COL5A2: variants seen among roughly 807,000 people sequenced by gnomAD.
COL5A2 encodes the protein collagen alpha-2(V) chain.
In COL5A2, 23 loss-of-function variants were observed where a neutral mutation model predicts 208.2. That is an observed-to-expected ratio of 0.11 (90% confidence interval 0.08 to 0.16). The LOEUF (loss-of-function observed/expected upper bound fraction) is 0.16, where lower values mean the gene tolerates loss of function less well. Ranked by LOEUF, COL5A2 falls within the 10% of genes least tolerant of loss-of-function variation. COL5A2 has a pLI of 1.00. For missense variants in COL5A2, 1,590 were observed against 1,956.4 expected (o/e 0.81, Z 3.53); for synonymous variants, 625 against 628.5 (o/e 0.99, Z 0.08).
chr2:189,285,071 G>GGGGTGTGTGTGT, the COL5A2 span, among the ~76,000 whole-genome samples: 3 of 139,702 alleles, frequency 2.1e-5, no homozygotes, highest in Non-Finnish European at 3.1e-5. Flanking sequence ...GCATGCACAT[G>GGGGTGTGTGTGT]GTGTGTGTGT....
chr2:189,355,893 A>G, the COL5A2 span, among the ~76,000 whole-genome samples: 1 of 152,118 alleles, frequency 6.6e-6, no homozygotes, highest in Non-Finnish European at 1.5e-5. Flanking sequence ...ACAATTTGGT[A>G]TGTTTTTGCA....
chr2:189,298,875 T>G, the COL5A2 span, among the ~76,000 whole-genome samples: 5,624 of 152,270 alleles, frequency 0.037, 119 homozygotes, highest in Admixed American at 0.05. Context: ...AAGTGAAAGA[T>G]CATAATACAG....
the COL5A2 span, among the ~76,000 whole-genome samples, chr2:189,314,919 T>C: frequency 6.6e-6 from 1 of 152,112 alleles, no homozygotes; most frequent in Admixed American, 6.5e-5. Context: ...TAACGAGTTC[T>C]GAAATTGAGG....
At chr2:189,160,041 G>C (rs1036960800) in intron 1 of COL5A2, among the ~76,000 whole-genome samples, 1 of 152,016 alleles carries the variant, frequency 6.6e-6, no homozygotes, top group African/African-American at 2.4e-5. Flanking sequence ...AGGTAACATA[G>C]AGTGTTGTTC....
intron 1 of COL5A2, among the ~76,000 whole-genome samples, chr2:189,223,438 A>G (rs73980190): frequency 0.03 from 4,512 of 152,258 alleles, 79 homozygotes; most frequent in Admixed American, 0.046. Context: ...GGCAGTTGGA[A>G]GCTCAGAAAT....
rs754936471 is a variant in COL5A2, at chr2:189,052,152, G to A, written c.2769+20C>T. The A allele has an allele frequency of 3.1e-6, 5 of 1,606,904 alleles. No homozygotes were observed. The highest frequency in any genetic ancestry group is 4.3e-6 in the Non-Finnish European group (5 of 1,173,926). ...GTAATTATTTCATTATCAGTGACTT[G>A]TCTCACTAAGTTGACTTACAGCAGG... On this transcript the variant is annotated intron_variant, in intron 41 of 53. Coordinates refer to ENST00000374866, the MANE Select transcript of COL5A2 (RefSeq NM_000393.5).
intron 42 of COL5A2, 137 bp from the exon 43 acceptor site, chr2:189,050,813 A>T (rs1685769702): frequency 1.4e-6 from 1 of 692,278 alleles, no homozygotes. Context: ...ATCATACTGC[A>T]TATGAGTAGT....
chr2:189,091,596 CAT>C (rs1434180760), intron 7 of COL5A2, among the ~76,000 whole-genome samples: 17 of 152,144 alleles, frequency 1.1e-4, no homozygotes, highest in Admixed American at 1.0e-3. Flanking sequence ...GTTTTTTAGA[CAT>C]AATGCTATTA....
Position 189,068,855 on chromosome 2 carries a change from G to A in COL5A2, c.1188C>T (p.Gly396=), listed in dbSNP as rs863223485. The change falls in exon 19 of 54, where the codon GGC becomes GGT. Residue 396 remains glycine, a synonymous_variant. Coordinates refer to ENST00000374866, the MANE Select transcript of COL5A2 (RefSeq NM_000393.5). ...KGEAGPTGAR[G]PEGPQGQRGE... is the part of the protein sequence containing the mutation. The stretch of plus-strand genomic sequence containing the variant: ...CTCTCTGCCCCTGAGGACCTTCAGG[G>A]CCTCGCGCCCCTGTAGGACCTGCTT... 3.1e-6 allele frequency: 5 copies of A among 1,612,620 alleles called. No individual in the cohort carries two copies. Among genetic ancestry groups the A allele is most frequent in the Admixed American group, 1.7e-5 (1 of 59,958 alleles).
At chr2:189,438,304 A>G in the COL5A2 span, among the ~76,000 whole-genome samples, 2 of 152,158 alleles carry the variant, frequency 1.3e-5, no homozygotes, top group Admixed American at 6.5e-5. Flanking sequence ...GGAAAAAAAG[A>G]GTTTGGCAAT....
chr2:189,403,138 C>T, the COL5A2 span, among the ~76,000 whole-genome samples: 2 of 152,262 alleles, frequency 1.3e-5, no homozygotes, highest in African/African-American at 4.8e-5. Context: ...CCCTGGTGAG[C>T]TGCATTCCTA....
chr2:189,432,037 AG>A, the COL5A2 span, among the ~76,000 whole-genome samples: 9 of 152,328 alleles, frequency 5.9e-5, no homozygotes, highest in African/African-American at 1.9e-4. Flanking sequence ...AGTGGGCGAC[AG>A]TATTCAACAT....
the COL5A2 span, among the ~76,000 whole-genome samples, chr2:189,352,342 G>C: frequency 6.6e-6 from 1 of 152,098 alleles, no homozygotes; most frequent in Admixed American, 6.6e-5. Flanking sequence ...GCGTCAAATG[G>C]TATTTCTAGT....
chr2:189,290,474 C>T, the COL5A2 span, among the ~76,000 whole-genome samples: 7 of 152,202 alleles, frequency 4.6e-5, no homozygotes, highest in East Asian at 1.4e-3. Context: ...ATGTAGAATG[C>T]TGCTGAGTAG....
the COL5A2 span, among the ~76,000 whole-genome samples, chr2:189,266,538 T>C: frequency 6.6e-6 from 1 of 152,106 alleles, no homozygotes; most frequent in East Asian, 1.9e-4. Flanking sequence ...TATTTTATGA[T>C]CCTAAATCTA....
rs936343051 is a variant in COL5A2, at chr2:189,049,228, C to A, written c.3147+119G>T. On this transcript the variant is annotated intron_variant, in intron 44 of 53. Transcript: ENST00000374866. ...AAGTAGAGTACATCAAATAACATTA[C>A]TAAGAAACTTTCTTAAGGTCAAATA... 19 of 752,910 alleles carry A rather than the reference C, an allele frequency of 2.5e-5. No homozygotes were observed. The African/African-American group carries it at 2.6e-4, about 10-fold the overall frequency. 46.6% of individuals were successfully genotyped at this position (752,910 alleles called of 1,614,324 possible).
chr2:189,236,849 T>A, the COL5A2 span, among the ~76,000 whole-genome samples: 1 of 151,892 alleles, frequency 6.6e-6, no homozygotes, highest in Admixed American at 6.6e-5. Flanking sequence ...TAACTTATGA[T>A]AATAAGTTCT....
the COL5A2 span, among the ~76,000 whole-genome samples, chr2:189,368,943 C>A: frequency 2.0e-5 from 3 of 152,154 alleles, no homozygotes; most frequent in African/African-American, 7.2e-5. Flanking sequence ...TTTACTTCCT[C>A]ACTAATGAAC....
chr2:189,359,772 A>AT, the COL5A2 span, among the ~76,000 whole-genome samples: 1 of 151,732 alleles, frequency 6.6e-6, no homozygotes, highest in African/African-American at 2.4e-5. Context: ...CAGGATTTCT[A>AT]TTTTTTTCAT....
Sources: allele counts gnomAD v4.1 joint callset (sites outside exome capture counted in the v4.1 genomes callset), GRCh38; gene constraint gnomAD v4.1.1; transcripts MANE v1.5; gene names NCBI Gene and HGNC (gene_info 2026-07-23, HGNC 2026-07-21).